Variants in UBXN4 observed in about 807,000 individuals in gnomAD.
UBXN4 encodes UBX domain-containing protein 4.
UBXN4 carries 35 observed loss-of-function variants against 66.2 expected under a neutral mutation model. The observed-to-expected ratio is 0.53, with a 90% CI of 0.40 to 0.70. The LOEUF is 0.70. Among genes scored for constraint, UBXN4 ranks in the 30% least tolerant of loss-of-function variants. The pLI is 0.00. For missense variants in UBXN4, 533 were observed against 599.8 expected (o/e 0.89, Z 1.16); for synonymous variants, 203 against 204.5 (o/e 0.99, Z 0.06).
chr2:135,761,463 G>A (rs1180315829), intron 5 of UBXN4, among the ~76,000 whole-genome samples: 2 of 152,164 alleles, frequency 1.3e-5, no homozygotes, highest in East Asian at 1.9e-4. Flanking sequence ...TTCAACAGCC[G>A]CTTGTCTAGT....
intron 2 of UBXN4, among the ~76,000 whole-genome samples, chr2:135,749,117 T>C (rs756562316): frequency 6.6e-6 from 1 of 152,230 alleles, no homozygotes; most frequent in Non-Finnish European, 1.5e-5. Flanking sequence ...GACTGCCGTT[T>C]GCTAAATTCA....
At chr2:135,761,761 C>T in intron 5 of UBXN4, 57 bp from the exon 6 acceptor site, 1 of 1,369,064 alleles carries the variant, frequency 7.3e-7, no homozygotes, top group African/African-American at 1.5e-5. Context: ...AAGATTTATT[C>T]CTTTAAAAAG....
intron 8 of UBXN4, among the ~76,000 whole-genome samples, chr2:135,771,626 A>G (rs532767423): frequency 6.6e-6 from 1 of 152,292 alleles, no homozygotes; most frequent in East Asian, 1.9e-4. Context: ...GCAGTGGCGC[A>G]ATCTTGGCTC....
At chr2:135,753,098 A>G (rs2105494512) in intron 2 of UBXN4, among the ~76,000 whole-genome samples, 1 of 138,932 alleles carries the variant, frequency 7.2e-6, no homozygotes, top group Non-Finnish European at 1.5e-5. Flanking sequence ...ATCTTGGCTC[A>G]CTGAAACTTC....
intron 2 of UBXN4, among the ~76,000 whole-genome samples, chr2:135,748,723 T>C (rs903902434): frequency 4.7e-5 from 3 of 63,486 alleles, no homozygotes; most frequent in Admixed American, 1.3e-4. Flanking sequence ...AAACTCTGTC[T>C]CAAAAAAAAA....
rs2077323157 is a variant in UBXN4 at position 135,762,752 on chromosome 2, G to A, written c.602+841G>A. ...GCAGGCTGGACCTCACAGTGGTGAG[G>A]AAAGTGGTATAAGCCTAGAAGAATA... On this transcript the variant is annotated intron_variant, in intron 6 of 12. Transcript: ENST00000272638. Among the ~76,000 whole-genome samples, 5 of 152,300 alleles carry A rather than the reference G, an allele frequency of 3.3e-5. 1 individual carries two copies. In the South Asian group the frequency reaches 1.0e-3, roughly 32 times the overall value.
chr2:135,772,326 A>C, intron 8 of UBXN4, 94 bp from the exon 9 acceptor site: 1 of 1,436,140 alleles, frequency 7.0e-7, no homozygotes. Flanking sequence ...CTGTCTCTTA[A>C]TAAAAAAAAA....
intron 8 of UBXN4, among the ~76,000 whole-genome samples, chr2:135,771,349 C>T (rs904406474): frequency 2.7e-4 from 41 of 151,876 alleles, no homozygotes; most frequent in African/African-American, 9.4e-4. Flanking sequence ...TGGTGGTGGG[C>T]GCCTATAATC....
At chr2:135,777,122 T>C (rs2077420423) in intron 10 of UBXN4, among the ~76,000 whole-genome samples, 1 of 152,238 alleles carries the variant, frequency 6.6e-6, no homozygotes, top group Non-Finnish European at 1.5e-5. Context: ...TAGTATCTTC[T>C]TCAGGAATTT....
chr2:135,780,419 T>TGTAA, intron 12 of UBXN4, 34 bp downstream of exon 12: 1 of 1,591,938 alleles, frequency 6.3e-7, no homozygotes, highest in Non-Finnish European at 8.6e-7. Flanking sequence ...TTATAAAATA[T>TGTAA]GTAAGTCATG....
At position 135,752,877 on chromosome 2, in the gene UBXN4, C is replaced by T. The variant is rs967336801; in HGVS notation, c.186-662C>T. Among the ~76,000 whole-genome samples the T allele has an allele frequency of 5.9e-5, 9 of 151,714 alleles. 1 individual carries two copies. Among genetic ancestry groups the T allele is most frequent in the South Asian group, 4.2e-4 (2 of 4,806 alleles). The stretch of plus-strand genomic sequence containing the variant: ...CCGGGATTACAGGTGTGTGCCACCA[C>T]GCCGAGCTAATTTTTGCATTTTTAG... On this transcript the variant is annotated intron_variant, in intron 2 of 12. Coordinates refer to ENST00000272638, the MANE Select transcript of UBXN4 (RefSeq NM_014607.4).
chr2:135,772,200 T>C (rs1456520147), intron 8 of UBXN4, among the ~76,000 whole-genome samples: 2 of 152,054 alleles, frequency 1.3e-5, no homozygotes, highest in Non-Finnish European at 2.9e-5. Flanking sequence ...CACACACCTG[T>C]AGTCCCAGCT....
Position 135,750,835 on chromosome 2 carries a change from C to CTTTTTTTTT in UBXN4, c.185+2496_185+2504dup, listed in dbSNP as rs1166056661. On this transcript the variant is annotated intron_variant, in intron 2 of 12. Coordinates refer to ENST00000272638, the MANE Select transcript of UBXN4 (RefSeq NM_014607.4). The stretch of plus-strand genomic sequence containing the variant: ...ATTGTATACAGACTGATGTGTCTGG[C>CTTTTTTTTT]TTTTTTTTTTTTTTTTTTTTTTTTT... 7.7e-5 allele frequency among the ~76,000 whole-genome samples: 6 copies of CTTTTTTTTT among 77,472 alleles called. 1 individual carries two copies. Among genetic ancestry groups the CTTTTTTTTT allele is most frequent in the East Asian group, 9.6e-4 (2 of 2,074 alleles). 50.8% of individuals were successfully genotyped at this position (77,472 alleles called of 152,430 possible). A position where few individuals can be genotyped will look rare whatever the true frequency, so the allele number is the denominator to read the frequency against.
intron 1 of UBXN4, among the ~76,000 whole-genome samples, chr2:135,746,034 C>T (rs1380415213): frequency 2.0e-5 from 3 of 151,948 alleles, no homozygotes; most frequent in African/African-American, 4.8e-5. Flanking sequence ...TGTGTCACCA[C>T]GCACAGCTAA....
chr2:135,759,627 T>C (rs2077299994), intron 5 of UBXN4, among the ~76,000 whole-genome samples: 1 of 152,176 alleles, frequency 6.6e-6, no homozygotes, highest in Admixed American at 6.5e-5. Context: ...TGATGATGTA[T>C]ATTTCTCTCA....
In UBXN4 at chr2:135,741,925, G is replaced by A; in HGVS notation, c.-5G>A. 1 of 1,611,682 alleles carries A rather than the reference G, an allele frequency of 6.2e-7. No individual in the cohort carries two copies. Among genetic ancestry groups the A allele is most frequent in the Non-Finnish European group, 8.5e-7 (1 of 1,179,120 alleles). On this transcript the variant is annotated 5_prime_UTR_variant, in exon 1 of 13. Transcript: ENST00000272638. ...CCGAGCGAGCGCCTGGGCCCGAAGGGAGCGATGCTGTGGTTCCAGGGCGCC... is the reference window on the plus strand; with the variant it reads ...CCGAGCGAGCGCCTGGGCCCGAAGGAAGCGATGCTGTGGTTCCAGGGCGCC...
chr2:135,746,204 T>TA (rs1234837519), intron 1 of UBXN4, among the ~76,000 whole-genome samples: 4 of 152,198 alleles, frequency 2.6e-5, no homozygotes, highest in African/African-American at 9.7e-5. Flanking sequence ...CTATTTCTGG[T>TA]ATTCCTGAAT....
intron 5 of UBXN4, among the ~76,000 whole-genome samples, chr2:135,761,506 G>A (rs2077315960): frequency 6.6e-6 from 1 of 152,158 alleles, no homozygotes; most frequent in African/African-American, 2.4e-5. Flanking sequence ...GATATTGGAG[G>A]GCACTGCTCT....
At position 135,748,397 on chromosome 2, in the gene UBXN4, A is replaced by G. The variant is rs190604371; in HGVS notation, c.185+28A>G. The G allele has an allele frequency of 4.3e-5, 62 of 1,455,664 alleles. No homozygotes were observed. In the African/African-American group the frequency reaches 6.5e-4, roughly 15 times the overall value. 90.2% of individuals were successfully genotyped at this position (1,455,664 alleles called of 1,614,324 possible). A position where few individuals can be genotyped will look rare whatever the true frequency, so the allele number is the denominator to read the frequency against. The stretch of plus-strand genomic sequence containing the variant: ...TTGTTTATGTTTTAATATTTTATTA[A>G]TTTTAAAATTTATAAGTATTGTCTT... On this transcript the variant is annotated intron_variant, in intron 2 of 12. Coordinates refer to ENST00000272638, the MANE Select transcript of UBXN4 (RefSeq NM_014607.4).
Sources: gnomAD v4.1 joint callset for allele counts (sites outside exome capture counted in the v4.1 genomes callset) on GRCh38, gnomAD v4.1.1 for gene constraint, MANE v1.5 for transcripts, NCBI Gene and HGNC (gene_info 2026-07-23, HGNC 2026-07-21) for gene names.